The following ARHGAP11A variants were observed in gnomAD, a reference collection of about 807,000 sequenced individuals.
ARHGAP11A encodes Rho GTPase activating protein 11A.
ARHGAP11A carries 36 observed loss-of-function variants against 60.5 expected under a neutral mutation model. The observed-to-expected ratio is 0.59, with a 90% CI of 0.46 to 0.79. The LOEUF (loss-of-function observed/expected upper bound fraction) is 0.79. ARHGAP11A is among the 30% of genes least tolerant of loss of function. The pLI, the probability that ARHGAP11A is intolerant of heterozygous loss-of-function variation, is 0.00. For missense variants in ARHGAP11A, 1,071 were observed against 1,199.2 expected (o/e 0.89, Z 1.58); for synonymous variants, 362 against 415.5 (o/e 0.87, Z 1.57).
Position 32,636,412 on chromosome 15 carries a change from GA to G in ARHGAP11A, c.1643del (p.Asn548ThrfsTer9). On this transcript the variant is annotated frameshift_variant, in exon 12 of 12. Transcript: ENST00000361627. LOFTEE classifies it low-confidence loss of function (END_TRUNC). ...TTCAATGGTGGAAAATCTTGAGGTA[GA>G]AAACTCTTTGGAGCCTGATATTATG... The part of the protein sequence containing the change: ...ASSMVENLEV[E>X]NSLEPDIMVE... 6.2e-7 allele frequency: 1 copy of G among 1,614,052 alleles called. No homozygotes were observed. The highest frequency in any genetic ancestry group is 8.5e-7 in the Non-Finnish European group (1 of 1,179,960).
At chr15:32,629,461 C>T in intron 7 of ARHGAP11A, 134 bp from the exon 8 acceptor site, 1 of 574,284 alleles carries the variant, frequency 1.7e-6, no homozygotes. Flanking sequence ...ATCTACTTAA[C>T]TGATGATGTA....
At chr15:32,624,873 A>G (rs2053422149) in intron 4 of ARHGAP11A, among the ~76,000 whole-genome samples, 1 of 151,750 alleles carries the variant, frequency 6.6e-6, no homozygotes, top group Non-Finnish European at 1.5e-5. Context: ...TAAGATTAGC[A>G]TGGTTTTTAG....
chr15:32,620,053 A>G, intron 1 of ARHGAP11A, 55 bp from the exon 2 acceptor site: 1 of 1,548,436 alleles, frequency 6.5e-7, no homozygotes, highest in East Asian at 2.3e-5. Context: ...AAAGTTTAAG[A>G]AAACTGATAT....
intron 7 of ARHGAP11A, among the ~76,000 whole-genome samples, chr15:32,629,328 T>C (rs1472695943): frequency 3.4e-5 from 5 of 147,520 alleles, no homozygotes; most frequent in Non-Finnish European, 6.0e-5. Context: ...TAATATTCTT[T>C]AATGTATATC....
rs373354756 is a variant in ARHGAP11A at position 32,636,663 on chromosome 15, T to G, written c.1890T>G (p.Thr630=). 1.7e-5 allele frequency: 27 copies of G among 1,613,814 alleles called. No individual in the cohort carries two copies. Among genetic ancestry groups the G allele is most frequent in the Middle Eastern group, 1.6e-4 (1 of 6,082 alleles). Residue 630 remains threonine, a synonymous_variant, in exon 12 of 12, where the codon ACT becomes ACG. Transcript: ENST00000361627. ...CTAATGTGGGGAAAGTAAAATTAAC[T>G]GAACCATCTTATTTAGAAGATAGCC... The part of the protein sequence containing the change: ...SVTNVGKVKL[T]EPSYLEDSPE...
In ARHGAP11A at chr15:32,625,550, C is replaced by T. The variant is rs762602744; in HGVS notation, c.779C>T (p.Ala260Val). ...PAMLGIDGLC[A>V]TPSLEGFEEG... ...ATGTTGGGTATTGATGGTCTCTGTG[C>T]TACTCCATCACTGGAAGGCTTTGAA... The change falls in exon 6 of 12, where the codon GCT becomes GTT. Residue 260 changes from alanine to valine, a missense_variant. Transcript: ENST00000361627. The T allele has an allele frequency of 1.2e-5, 20 of 1,613,570 alleles. No individual in the cohort carries two copies. The Admixed American group carries it at 1.3e-4, about 11-fold the overall frequency.
At chr15:32,633,714 T>C (rs2053638059) in intron 9 of ARHGAP11A, among the ~76,000 whole-genome samples, 1 of 152,238 alleles carries the variant, frequency 6.6e-6, no homozygotes, top group South Asian at 2.1e-4. Flanking sequence ...TTCTGAGTTA[T>C]AACTGACTGA....
intron 10 of ARHGAP11A, among the ~76,000 whole-genome samples, 156 bp from the exon 11 acceptor site, chr15:32,635,621 G>A (rs186695464): frequency 5.9e-5 from 9 of 152,150 alleles, no homozygotes; most frequent in Admixed American, 3.9e-4. Context: ...TTCATTAGCA[G>A]GCAAGAATGT....
At chr15:32,618,005 C>T (rs1166425385) in intron 1 of ARHGAP11A, among the ~76,000 whole-genome samples, 1 of 152,154 alleles carries the variant, frequency 6.6e-6, no homozygotes, top group East Asian at 1.9e-4. Context: ...CATGCCACTT[C>T]TTCATCTAAT....
At chr15:32,620,276 G>A in intron 2 of ARHGAP11A, 98 bp downstream of exon 2, 1 of 1,602,870 alleles carries the variant, frequency 6.2e-7, no homozygotes, top group Non-Finnish European at 8.5e-7. Flanking sequence ...CTTGAGTCCA[G>A]GAGCTTAAGA....
At chr15:32,634,712 T>G (rs2053665813) in intron 10 of ARHGAP11A, among the ~76,000 whole-genome samples, 1 of 152,230 alleles carries the variant, frequency 6.6e-6, no homozygotes, top group Admixed American at 6.5e-5. Context: ...CACTTTTACC[T>G]GTGGTTTTCC....
upstream of ARHGAP11A, chr15:32,615,171 T>G (rs2053097970): frequency 6.6e-6 from 1 of 152,118 alleles, no homozygotes; most frequent in Non-Finnish European, 1.5e-5. Context: ...AAGAGGGCCT[T>G]CAGCGACAGC....
intron 8 of ARHGAP11A, among the ~76,000 whole-genome samples, chr15:32,632,096 G>A (rs1293907109): frequency 6.6e-6 from 1 of 152,106 alleles, no homozygotes. Flanking sequence ...TTTCTAAGGT[G>A]GTTGTATTTT....
In ARHGAP11A at chr15:32,624,312, A is replaced by G. The variant is rs1166222260; in HGVS notation, c.437A>G (p.Gln146Arg). Reference protein sequence around the residue: ...DLHEALLKAQQLGTEEKNKAT... With the variant: ...DLHEALLKAQRLGTEEKNKAT... ...CATGAAGCACTTTTGAAAGCTCAAC[A>G]GTTAGGCACAGAGGAAAAGAATAAA... Residue 146 changes from glutamine (Q) to arginine (R), a missense_variant, in exon 4 of 12, where the codon CAG (glutamine) becomes CGG (arginine). This residue lies in a region of ARHGAP11A where 196 missense variants were observed against 272.1 expected (regional missense o/e 0.72). Transcript: ENST00000361627. 3.1e-6 allele frequency: 5 copies of G among 1,613,910 alleles called. No homozygotes were observed. In the East Asian group the frequency reaches 8.9e-5, roughly 29 times the overall value.
At position 32,637,977 on chromosome 15, in the gene ARHGAP11A, A is replaced by G; in HGVS notation, c.*132A>G. The G allele has an allele frequency of 2.4e-6, 2 of 841,186 alleles. No homozygotes were observed. Among genetic ancestry groups the G allele is most frequent in the Non-Finnish European group, 3.6e-6 (2 of 562,514 alleles). 52.1% of individuals were successfully genotyped at this position (841,186 alleles called of 1,614,324 possible). A position where few individuals can be genotyped will look rare whatever the true frequency, so the allele number is the denominator to read the frequency against. ...AGATTTGCTCTATTGAAAATGTTTC[A>G]TTTTTTTCACTGTACAAGCAACTTA... On this transcript the variant is annotated 3_prime_UTR_variant, in exon 12 of 12. Coordinates refer to ENST00000361627, the MANE Select transcript of ARHGAP11A (RefSeq NM_014783.6).
chr15:32,635,917 T>A lies in ARHGAP11A; in HGVS notation c.1483+2T>A. On this transcript the variant is annotated splice_donor_variant, in intron 11 of 11. Transcript: ENST00000361627. LOFTEE classifies it high-confidence loss of function. ...TTGATGAAAAGTTACCAAAGAAAGG[T>A]ACATTTACATACTACTGTTAGAGTT... 6.2e-7 allele frequency: 1 copy of A among 1,602,708 alleles called. No homozygotes were observed. The highest frequency in any genetic ancestry group is 8.5e-7 in the Non-Finnish European group (1 of 1,176,188).
Position 32,623,538 on chromosome 15 carries a change from G to T in ARHGAP11A, c.247G>T (p.Glu83Ter). 6.2e-7 allele frequency: 1 copy of T among 1,614,112 alleles called. No homozygotes were observed. Among genetic ancestry groups the T allele is most frequent in the East Asian group, 2.2e-5 (1 of 44,874 alleles). The change falls in exon 3 of 12, where the codon GAA (glutamate) becomes TAA (stop). Residue 83 changes from glutamate to a stop codon, truncating the protein, a stop_gained. Coordinates refer to ENST00000361627, the MANE Select transcript of ARHGAP11A (RefSeq NM_014783.6). LOFTEE classifies it high-confidence loss of function. ...ATCTTTAGAAGACCATATTCATACC[G>T]AAGGGCTTTTTCGGAAATCAGGATC... ...CTSLEDHIHT[E>*]GLFRKSGSVI...
At position 32,625,053 on chromosome 15, in the gene ARHGAP11A, A is replaced by C. The variant is rs200164218; in HGVS notation, c.552-27A>C. 19 of 1,612,364 alleles carry C rather than the reference A, an allele frequency of 1.2e-5. No homozygotes were observed. In the East Asian group the frequency reaches 2.7e-4, roughly 23 times the overall value. Reference sequence around the variant, plus strand: ...CTTCTGTATTTTCACGTTTGGCTCCATCTAATAAAGCGTTTATTCACTTAA... The same window carrying C: ...CTTCTGTATTTTCACGTTTGGCTCCCTCTAATAAAGCGTTTATTCACTTAA... On this transcript the variant is annotated intron_variant, in intron 4 of 11. Coordinates refer to ENST00000361627, the MANE Select transcript of ARHGAP11A (RefSeq NM_014783.6).
chr15:32,636,959 C>T lies in ARHGAP11A; in HGVS notation c.2186C>T (p.Pro729Leu). ...SDEEIKKQQSPKDKLNNKLKE... is the reference protein window; with the variant it reads ...SDEEIKKQQSLKDKLNNKLKE... ...GAAGAAATAAAGAAACAGCAGTCCC[C>T]AAAGGATAAACTAAATAATAAATTA... Residue 729 changes from proline (P) to leucine (L), a missense_variant, in exon 12 of 12, where the codon CCA (proline) becomes CTA (leucine). This residue lies in a region of ARHGAP11A where 776 missense variants were observed against 760.2 expected (regional missense o/e 1.02). Coordinates refer to ENST00000361627, the MANE Select transcript of ARHGAP11A (RefSeq NM_014783.6). 1.2e-6 allele frequency: 2 copies of T among 1,610,348 alleles called. No homozygotes were observed. Among genetic ancestry groups the T allele is most frequent in the Non-Finnish European group, 1.7e-6 (2 of 1,179,012 alleles).
Sources: gnomAD v4.1 joint callset for allele counts (sites outside exome capture counted in the v4.1 genomes callset) on GRCh38, gnomAD v4.1.1 for gene constraint, gnomAD v4.1.1 regional missense constraint, MANE v1.5 for transcripts, NCBI Gene and HGNC (gene_info 2026-07-23, HGNC 2026-07-21) for gene names.